The following AHR variants were observed in gnomAD, a reference collection of about 807,000 sequenced individuals.
The protein encoded by AHR is AH-receptor.
A neutral mutation model predicts 86.8 loss-of-function variants in AHR; 40 were observed. The ratio of observed to expected loss-of-function variants is 0.46; its 90% CI spans 0.36 to 0.60. The LOEUF is 0.60. Among genes scored for constraint, AHR ranks in the 20% least tolerant of loss-of-function variants. AHR has a pLI of 0.00. For missense variants in AHR, 1,001 were observed against 1,011.6 expected (o/e 0.99, Z 0.14); for synonymous variants, 398 against 354.9 (o/e 1.12, Z -1.37).
chr7:17,336,267 T>C (rs1299024741), intron 9 of AHR, among the ~76,000 whole-genome samples: 1 of 152,128 alleles, frequency 6.6e-6, no homozygotes, highest in African/African-American at 2.4e-5. Context: ...GTATACCCAA[T>C]TGACCAGTAA....
At chr7:17,306,503 A>T (rs1287812426) in intron 1 of AHR, among the ~76,000 whole-genome samples, 2 of 152,036 alleles carry the variant, frequency 1.3e-5, no homozygotes, top group Non-Finnish European at 2.9e-5. Context: ...TCCTCTGTGT[A>T]TTTGACTTTC....
Position 17,339,773 on chromosome 7 carries a change from A to C in AHR, c.1948A>C (p.Met650Leu), listed in dbSNP as rs757525465. ...QKMKHMQVNG[M>L]FENWNSNQFV... ...GATGAAGCACATGCAAGTTAATGGC[A>C]TGTTTGAAAATTGGAACTCTAACCA... is the stretch of plus-strand genomic sequence containing the variant. Residue 650 changes from methionine to leucine, a missense_variant, in exon 10 of 11, where the codon ATG becomes CTG. Met to Leu is a conservative substitution (Grantham distance 15). Transcript: ENST00000242057. 1 of 1,614,228 alleles carries C rather than the reference A, an allele frequency of 6.2e-7. No individual in the cohort carries two copies. Among genetic ancestry groups the C allele is most frequent in the Admixed American group, 1.7e-5 (1 of 60,028 alleles).
At chr7:17,315,415 G>T (rs1782105410) in intron 2 of AHR, among the ~76,000 whole-genome samples, 1 of 151,914 alleles carries the variant, frequency 6.6e-6, no homozygotes, top group Non-Finnish European at 1.5e-5. Context: ...TAAACTCATT[G>T]TATCATATAT....
At chr7:17,337,212 G>C (rs1218995446) in intron 9 of AHR, among the ~76,000 whole-genome samples, 1 of 151,934 alleles carries the variant, frequency 6.6e-6, no homozygotes, top group Non-Finnish European at 1.5e-5. Context: ...ATATTCTCTG[G>C]ATGGATTTCA....
chr7:17,306,691 C>T (rs1434901615), intron 1 of AHR, among the ~76,000 whole-genome samples: 1 of 152,140 alleles, frequency 6.6e-6, no homozygotes, highest in Non-Finnish European at 1.5e-5. Context: ...TTCTTCTGAG[C>T]TACAAATCGC....
chr7:17,318,701 G>T (rs1782140246), intron 2 of AHR, among the ~76,000 whole-genome samples: 1 of 151,972 alleles, frequency 6.6e-6, no homozygotes, highest in Non-Finnish European at 1.5e-5. Context: ...AATTCCAGTG[G>T]TGTAATATTT....
intron 2 of AHR, among the ~76,000 whole-genome samples, chr7:17,310,994 G>A (rs1211674299): frequency 6.6e-6 from 1 of 152,130 alleles, no homozygotes; most frequent in East Asian, 1.9e-4. Flanking sequence ...AAACCAGGTA[G>A]CATCCCCGTA....
Position 17,327,794 on chromosome 7 carries a change from T to A in AHR, c.396T>A (p.Asp132Glu). The change falls in exon 4 of 11, where the codon GAT (aspartate) becomes GAA (glutamate). Residue 132 changes from aspartate to glutamate, a missense_variant. By Grantham distance (45) the Asp-to-Glu change is conservative. This residue lies in a region of AHR where 394 missense variants were observed against 468.5 expected (regional missense o/e 0.84). Transcript: ENST00000242057. Reference protein sequence around the residue: ...LNGFVLVVTTDALVFYASSTI... With the variant: ...LNGFVLVVTTEALVFYASSTI... ...GCTTTGTATTAGTTGTCACTACAGATGCTTTGGTCTTTTATGCTTCTTCTA... is the reference window on the plus strand; with the variant it reads ...GCTTTGTATTAGTTGTCACTACAGAAGCTTTGGTCTTTTATGCTTCTTCTA... The A allele has an allele frequency of 6.3e-7, 1 of 1,580,056 alleles. No individual in the cohort carries two copies. The highest frequency in any genetic ancestry group is 8.6e-7 in the Non-Finnish European group (1 of 1,158,420).
intron 10 of AHR, 33 bp downstream of exon 10, chr7:17,340,261 C>T (rs779920971): frequency 1.9e-6 from 3 of 1,549,252 alleles, no homozygotes; most frequent in African/African-American, 2.8e-5. Context: ...TTAAATCTTT[C>T]AGTGATTCTT....
intron 9 of AHR, among the ~76,000 whole-genome samples, chr7:17,337,240 G>A (rs1487634405): frequency 6.6e-6 from 1 of 151,838 alleles, no homozygotes; most frequent in Non-Finnish European, 1.5e-5. Context: ...TGAAATTTGT[G>A]GTGACTTATT....
chr7:17,339,486 G>A lies in AHR; in HGVS notation c.1661G>A (p.Arg554Lys), dbSNP rs2066853. 216,831 of 1,613,866 alleles carry A rather than the reference G, an allele frequency of 0.13. 20,829 individuals carry two copies. The highest frequency in any genetic ancestry group is 0.46 in the African/African-American group (34,155 of 74,918). ...KNLGIDFEDI[R>K]HMQNEKFFRN... The stretch of plus-strand genomic sequence containing the variant: ...CTAGGCATTGATTTTGAAGACATCA[G>A]ACACATGCAGAATGAAAAATTTTTC... The change falls in exon 10 of 11, where the codon AGA (arginine) becomes AAA (lysine). Residue 554 changes from arginine (R) to lysine (K), a missense_variant. This residue lies in a region of AHR where 607 missense variants were observed against 543.1 expected (regional missense o/e 1.12). Coordinates refer to ENST00000242057, the MANE Select transcript of AHR (RefSeq NM_001621.5).
At chr7:17,307,978 C>T (rs191098412) in intron 1 of AHR, among the ~76,000 whole-genome samples, 101 of 152,238 alleles carry the variant, frequency 6.6e-4, no homozygotes, top group African/African-American at 2.3e-3. Flanking sequence ...CTAGGCTGTC[C>T]AAACCAGCAT....
chr7:17,322,755 T>C, intron 3 of AHR, 148 bp downstream of exon 3: 1 of 612,048 alleles, frequency 1.6e-6, no homozygotes, highest in South Asian at 2.2e-5. Context: ...GAATGATGCT[T>C]AATACATGAA....
At chr7:17,317,531 T>A (rs1782128684) in intron 2 of AHR, among the ~76,000 whole-genome samples, 1 of 152,176 alleles carries the variant, frequency 6.6e-6, no homozygotes, top group Non-Finnish European at 1.5e-5. Context: ...CATGGAATGA[T>A]AATTTTAAGA....
chr7:17,332,107 A>G (rs1018624529), intron 6 of AHR, among the ~76,000 whole-genome samples: 23 of 151,908 alleles, frequency 1.5e-4, no homozygotes, highest in African/African-American at 4.8e-4. Context: ...AAAAATCCCT[A>G]TCACTTAATG....
At position 17,299,255 on chromosome 7, in the gene AHR, G is replaced by T; in HGVS notation, c.-10G>T. ...GCCCGGGGAGTAGCCGCCGCCGTCG[G>T]CTGGGCACCATGAACAGCAGCAGCG... On this transcript the variant is annotated 5_prime_UTR_variant, in exon 1 of 11. Coordinates refer to ENST00000242057, the MANE Select transcript of AHR (RefSeq NM_001621.5). 1.9e-6 allele frequency: 3 copies of T among 1,611,034 alleles called. No individual in the cohort carries two copies. Among genetic ancestry groups the T allele is most frequent in the Non-Finnish European group, 2.5e-6 (3 of 1,179,300 alleles).
intron 1 of AHR, 133 bp downstream of exon 1, chr7:17,299,462 C>A: frequency 9.5e-7 from 1 of 1,053,942 alleles, no homozygotes; most frequent in South Asian, 1.6e-5. Context: ...CCCGTGGAAT[C>A]GAGGTTTGGA....
At chr7:17,303,190 C>T (rs1781971652) in intron 1 of AHR, among the ~76,000 whole-genome samples, 1 of 152,000 alleles carries the variant, frequency 6.6e-6, no homozygotes, top group Admixed American at 6.6e-5. Context: ...CAGTTCTTTA[C>T]ATCATTTTCT....
chr7:17,322,742 A>G lies in AHR; in HGVS notation c.360+135A>G, dbSNP rs1176193425. On this transcript the variant is annotated intron_variant, in intron 3 of 10. Transcript: ENST00000242057. Reference sequence around the variant, plus strand: ...TTGCCACTTTCATCTGAACTGCGATAGTGAATGATGCTTAATACATGAAAA... The same window carrying G: ...TTGCCACTTTCATCTGAACTGCGATGGTGAATGATGCTTAATACATGAAAA... 6.3e-6 allele frequency: 4 copies of G among 632,918 alleles called. No homozygotes were observed. In the East Asian group the frequency reaches 1.1e-4, roughly 17 times the overall value. The allele number at this position is 632,918 out of a possible 1,614,324, so 39.2% of individuals were successfully genotyped here.
Sources: gnomAD v4.1 joint callset for allele counts (sites outside exome capture counted in the v4.1 genomes callset) on GRCh38, gnomAD v4.1.1 for gene constraint, gnomAD v4.1.1 regional missense constraint, MANE v1.5 for transcripts, NCBI Gene and HGNC (gene_info 2026-07-23, HGNC 2026-07-21) for gene names.